The following NCOA1 variants were observed in gnomAD, a reference collection of about 807,000 sequenced individuals.
The protein encoded by NCOA1 is Hin-2 protein.
NCOA1 carries 35 observed loss-of-function variants against 150.9 expected under a neutral mutation model. The observed-to-expected ratio is 0.23, with a 90% CI of 0.18 to 0.31. NCOA1 has a LOEUF of 0.31. Ranked by LOEUF, NCOA1 falls within the 10% of genes least tolerant of loss-of-function variation. The pLI is 1.00. For missense variants in NCOA1, 1,491 were observed against 1,749.3 expected, an observed-to-expected ratio of 0.85 and a Z score of 2.63; for synonymous variants, 590 against 630.0, an observed-to-expected ratio of 0.94 and a Z score of 0.95.
intron 1 of NCOA1, among the ~76,000 whole-genome samples, chr2:24,499,155 A>G (rs1007110286): frequency 1.3e-5 from 2 of 152,114 alleles, no homozygotes; most frequent in African/African-American, 4.8e-5. Flanking sequence ...ATAATTCCCT[A>G]CTATTTTGAA....
At chr2:24,711,407 T>G (rs1673741017) in intron 14 of NCOA1, 1 of 219,820 alleles carries the variant, frequency 4.5e-6, no homozygotes, top group Non-Finnish European at 8.9e-6. Flanking sequence ...AGAAATACAG[T>G]ATTGGGTCAG....
chr2:24,741,741 G>C (rs780367217), intron 18 of NCOA1, 43 bp from the exon 19 acceptor site: 2 of 1,561,050 alleles, frequency 1.3e-6, no homozygotes, highest in Non-Finnish European at 1.7e-6. Flanking sequence ...GATAGATAGT[G>C]ATTATAATAA....
At chr2:24,667,831 A>G (rs192278556) in intron 6 of NCOA1, among the ~76,000 whole-genome samples, 1 of 152,306 alleles carries the variant, frequency 6.6e-6, no homozygotes, top group Non-Finnish European at 1.5e-5. Flanking sequence ...TCTTTGCTCA[A>G]ATACGTCTTC....
At chr2:24,561,010 A>G (rs1666273233) in intron 1 of NCOA1, among the ~76,000 whole-genome samples, 1 of 152,222 alleles carries the variant, frequency 6.6e-6, no homozygotes, top group Non-Finnish European at 1.5e-5. Flanking sequence ...ACAAACTAGT[A>G]TATGTTTATG....
intron 2 of NCOA1, among the ~76,000 whole-genome samples, chr2:24,582,272 T>A (rs1021725738): frequency 6.6e-6 from 1 of 152,088 alleles, no homozygotes; most frequent in Admixed American, 6.5e-5. Flanking sequence ...AGTTGTAGGA[T>A]ACAAAATCAA....
chr2:24,766,469 G>A (rs1458274844), intron 22 of NCOA1, among the ~76,000 whole-genome samples: 1 of 152,150 alleles, frequency 6.6e-6, no homozygotes, highest in African/African-American at 2.4e-5. Context: ...TCTTGCTCCA[G>A]TGTTTTTGTA....
chr2:24,649,603 G>A (rs535966026), intron 4 of NCOA1, among the ~76,000 whole-genome samples: 3 of 152,134 alleles, frequency 2.0e-5, no homozygotes, highest in African/African-American at 7.2e-5. Context: ...TCCCTCAGTC[G>A]TGAATATACT....
intron 4 of NCOA1, among the ~76,000 whole-genome samples, chr2:24,658,052 T>G (rs1480737811): frequency 6.6e-6 from 1 of 152,206 alleles, no homozygotes; most frequent in Non-Finnish European, 1.5e-5. Flanking sequence ...TTCTCTGGGA[T>G]CTATACCAAG....
chr2:24,726,328 G>C (rs1428280164), intron 14 of NCOA1, among the ~76,000 whole-genome samples: 1 of 152,068 alleles, frequency 6.6e-6, no homozygotes, highest in Non-Finnish European at 1.5e-5. Context: ...ACAAAGTCCT[G>C]AGTGATTCTG....
chr2:24,634,521 C>G (rs1224587584), intron 3 of NCOA1, among the ~76,000 whole-genome samples: 1 of 152,150 alleles, frequency 6.6e-6, no homozygotes, highest in African/African-American at 2.4e-5. Flanking sequence ...TCAGGTACTG[C>G]ATTAACCAGT....
Position 24,658,857 on chromosome 2 carries a change from C to A in NCOA1, c.89+91C>A, listed in dbSNP as rs1671059877. 1.2e-5 allele frequency: 14 copies of A among 1,154,422 alleles called. No individual in the cohort carries two copies. The South Asian group carries it at 1.8e-4, about 15-fold the overall frequency. The allele number at this position is 1,154,422 out of a possible 1,614,324, so 71.5% of individuals were successfully genotyped here. ...GCTTTTGTTTAATCTACTCCAAGTTCAGTGGCTTTCTTTGAGTCTTTCATA... is the reference window on the plus strand; with the variant it reads ...GCTTTTGTTTAATCTACTCCAAGTTAAGTGGCTTTCTTTGAGTCTTTCATA... On this transcript the variant is annotated intron_variant, in intron 5 of 22. Transcript: ENST00000348332.
rs952744618 is a variant in NCOA1, at chr2:24,536,863, T to C, written c.-395-27432T>C. On this transcript the variant is annotated intron_variant, in intron 1 of 22. Coordinates refer to ENST00000348332, the MANE Select transcript of NCOA1 (RefSeq NM_003743.5). ...GAGGCCATTTTCTGAGTGAAGTAAC[T>C]GAAGCATGGAAAACCAAATACCACA... Among the ~76,000 whole-genome samples, 15 of 152,044 alleles carry C rather than the reference T, an allele frequency of 9.9e-5. No individual in the cohort carries two copies. In the South Asian group the frequency reaches 1.2e-3, roughly 13 times the overall value.
intron 1 of NCOA1, among the ~76,000 whole-genome samples, chr2:24,549,836 C>T (rs969462757): frequency 6.6e-6 from 1 of 152,350 alleles, no homozygotes; most frequent in East Asian, 1.9e-4. Context: ...TCCCAGAGTG[C>T]TGGGATTACA....
chr2:24,712,067 T>C (rs1673772596), intron 14 of NCOA1, among the ~76,000 whole-genome samples: 1 of 151,828 alleles, frequency 6.6e-6, no homozygotes, highest in Admixed American at 6.6e-5. Flanking sequence ...CTGTGACATT[T>C]TTGGAGGCAG....
At chr2:24,747,979 G>T (rs1006292953) in intron 19 of NCOA1, among the ~76,000 whole-genome samples, 6 of 151,974 alleles carry the variant, frequency 3.9e-5, no homozygotes, top group African/African-American at 1.2e-4. Flanking sequence ...GGTGGCGCAT[G>T]CCTGTAATCC....
At position 24,764,061 on chromosome 2, in the gene NCOA1, C is replaced by G. The variant is rs530830999; in HGVS notation, c.4155+1285C>G. Among the ~76,000 whole-genome samples the G allele has an allele frequency of 2.0e-5, 3 of 152,340 alleles. No homozygotes were observed. The South Asian group carries it at 6.2e-4, about 32-fold the overall frequency. On this transcript the variant is annotated intron_variant, in intron 22 of 22. Transcript: ENST00000348332. ...GAAAGGAAACTTCATTTGTGAAATGCTTGTGGTTTGCCAGGCACTGTGCTA... is the reference window on the plus strand; with the variant it reads ...GAAAGGAAACTTCATTTGTGAAATGGTTGTGGTTTGCCAGGCACTGTGCTA...
intron 1 of NCOA1, among the ~76,000 whole-genome samples, chr2:24,558,524 A>G (rs1666170099): frequency 2.0e-5 from 3 of 152,204 alleles, no homozygotes; most frequent in African/African-American, 7.2e-5. Flanking sequence ...CTTATTCACT[A>G]TCACGAGAAT....
chr2:24,726,334 T>C (rs1674620618), intron 14 of NCOA1, among the ~76,000 whole-genome samples: 1 of 152,208 alleles, frequency 6.6e-6, no homozygotes, highest in African/African-American at 2.4e-5. Flanking sequence ...TCCTGAGTGA[T>C]TCTGGATAAC....
intron 19 of NCOA1, among the ~76,000 whole-genome samples, chr2:24,748,910 T>C (rs909772193): frequency 6.6e-5 from 10 of 152,188 alleles, no homozygotes; most frequent in Non-Finnish European, 8.8e-5. Flanking sequence ...CAGGATTTTA[T>C]AAAGATGTAA....
Sources: gnomAD v4.1 joint callset for allele counts (sites outside exome capture counted in the v4.1 genomes callset) on GRCh38, gnomAD v4.1.1 for gene constraint, MANE v1.5 for transcripts, NCBI Gene and HGNC (gene_info 2026-07-23, HGNC 2026-07-21) for gene names.